Variants in CADM2 observed in about 807,000 individuals in gnomAD.
CADM2 encodes immunoglobulin superfamily member 4D.
CADM2 carries 12 observed loss-of-function variants against 49.8 expected under a neutral mutation model. The observed-to-expected ratio is 0.24, with a 90% CI of 0.15 to 0.39. The LOEUF (loss-of-function observed/expected upper bound fraction) is 0.39, where lower values mean the gene tolerates loss of function less well. CADM2 is among the 10% of genes least tolerant of loss of function. The pLI, the probability that CADM2 is intolerant of heterozygous loss-of-function variation, is 1.00. For synonymous variants in CADM2, 214 were observed against 175.4 expected (o/e 1.22, Z -1.74); for missense variants, 378 against 492.3 (o/e 0.77, Z 2.20).
chr3:85,274,609 G>T (rs191156615), intron 1 of CADM2, among the ~76,000 whole-genome samples: 25 of 151,474 alleles, frequency 1.7e-4, no homozygotes, highest in Admixed American at 1.3e-3. Context: ...GTCCATTAAA[G>T]CATCATCTAT....
chr3:85,754,932 G>T (rs947905361), intron 2 of CADM2, among the ~76,000 whole-genome samples: 4 of 152,118 alleles, frequency 2.6e-5, no homozygotes, highest in Non-Finnish European at 5.9e-5. Context: ...TCCTTAGAAG[G>T]TAAAACGTAT....
intron 1 of CADM2, among the ~76,000 whole-genome samples, chr3:85,691,725 C>G (rs1469086396): frequency 6.6e-6 from 1 of 152,098 alleles, no homozygotes; most frequent in Admixed American, 6.5e-5. Flanking sequence ...GGAACCAACC[C>G]AAATGTCCAA....
chr3:85,286,974 A>AT (rs2043648506), intron 1 of CADM2, among the ~76,000 whole-genome samples: 2 of 152,186 alleles, frequency 1.3e-5, no homozygotes, highest in Admixed American at 6.5e-5. Flanking sequence ...ACCTATCCAT[A>AT]TTATGAGAAG....
At chr3:85,253,653 G>A (rs889787378) in intron 1 of CADM2, among the ~76,000 whole-genome samples, 2 of 151,884 alleles carry the variant, frequency 1.3e-5, no homozygotes, top group African/African-American at 2.4e-5. Context: ...CAAGTTTGTC[G>A]CATCCTTCTC....
chr3:86,029,504 A>G (rs1055008509), intron 8 of CADM2, among the ~76,000 whole-genome samples: 3 of 152,048 alleles, frequency 2.0e-5, no homozygotes, highest in African/African-American at 7.2e-5. Context: ...TTAGAAAATA[A>G]CAGGATTTGG....
At chr3:85,922,110 T>C (rs909011183) in intron 6 of CADM2, among the ~76,000 whole-genome samples, 3 of 151,836 alleles carry the variant, frequency 2.0e-5, no homozygotes, top group African/African-American at 7.3e-5. Context: ...CTCTTCCTTC[T>C]CCTCCTTCTT....
chr3:85,691,713 T>G (rs2066392439), intron 1 of CADM2, among the ~76,000 whole-genome samples: 1 of 152,132 alleles, frequency 6.6e-6, no homozygotes, highest in African/African-American at 2.4e-5. Context: ...TAGCAAAGAC[T>G]TGGAACCAAC....
At chr3:86,002,035 A>G (rs565096312) in intron 8 of CADM2, among the ~76,000 whole-genome samples, 1 of 152,242 alleles carries the variant, frequency 6.6e-6, no homozygotes, top group East Asian at 1.9e-4. Flanking sequence ...TGACAGCATG[A>G]GCCACCAAGG....
In CADM2 at chr3:85,598,262, T is replaced by C. The variant is rs149838399; in HGVS notation, c.62-128260T>C. ...TCAGCATTCAGGCTGGGCTTTAATC[T>C]TGCTTAGAAACTCTCATACACCTTC... On this transcript the variant is annotated intron_variant, in intron 1 of 9. Coordinates refer to ENST00000383699, the MANE Select transcript of CADM2 (RefSeq NM_001167675.2). Among the ~76,000 whole-genome samples, 687 of 152,154 alleles carry C rather than the reference T, an allele frequency of 4.5e-3. 7 individuals carry two copies. Among genetic ancestry groups the C allele is most frequent in the African/African-American group, 0.016 (655 of 41,552 alleles).
At chr3:86,058,044 T>A (rs1738201768) in intron 8 of CADM2, among the ~76,000 whole-genome samples, 1 of 152,142 alleles carries the variant, frequency 6.6e-6, no homozygotes, top group South Asian at 2.1e-4. Context: ...TTACATACAT[T>A]GAAAAAAATT....
At chr3:85,101,547 G>A (rs1406661635) in intron 1 of CADM2, among the ~76,000 whole-genome samples, 4 of 151,930 alleles carry the variant, frequency 2.6e-5, no homozygotes, top group African/African-American at 9.7e-5. Flanking sequence ...TTTCACCTTA[G>A]GTGCATTATC....
intron 1 of CADM2, among the ~76,000 whole-genome samples, chr3:85,212,917 G>A (rs112023169): frequency 1.5e-5 from 2 of 131,964 alleles, no homozygotes; most frequent in Admixed American, 8.9e-5. Context: ...GTCTCACACT[G>A]TCACCCAGAC....
chr3:85,389,805 G>T (rs770635146), intron 1 of CADM2, among the ~76,000 whole-genome samples: 2 of 152,008 alleles, frequency 1.3e-5, no homozygotes, highest in African/African-American at 4.8e-5. Flanking sequence ...TCAAGGCCAG[G>T]TATGCAGCAC....
Position 85,162,390 on chromosome 3 carries a change from T to C in CADM2, c.61+202722T>C, listed in dbSNP as rs113646592. Among the ~76,000 whole-genome samples, 303 of 152,308 alleles carry C rather than the reference T, an allele frequency of 2.0e-3. 1 individual carries two copies. Among genetic ancestry groups the C allele is most frequent in the African/African-American group, 7.0e-3 (289 of 41,570 alleles). ...CATTATGCAATAAATAATGGCTTTT[T>C]ATATCAACAAGCATGTCAAAAAATT... On this transcript the variant is annotated intron_variant, in intron 1 of 9. Coordinates refer to ENST00000383699, the MANE Select transcript of CADM2 (RefSeq NM_001167675.2).
chr3:85,798,190 T>A (rs138320914), intron 2 of CADM2, among the ~76,000 whole-genome samples: 2 of 152,304 alleles, frequency 1.3e-5, no homozygotes, highest in Admixed American at 1.3e-4. Context: ...ATGGATAGAT[T>A]GCAAAAATTT....
chr3:86,038,847 T>C (rs1317546363), intron 8 of CADM2, among the ~76,000 whole-genome samples: 1 of 152,192 alleles, frequency 6.6e-6, no homozygotes, highest in Non-Finnish European at 1.5e-5. Flanking sequence ...AGGAATGTAC[T>C]GTAAGTAGGT....
At chr3:85,158,443 A>T (rs936612993) in intron 1 of CADM2, among the ~76,000 whole-genome samples, 1 of 152,194 alleles carries the variant, frequency 6.6e-6, no homozygotes, top group Non-Finnish European at 1.5e-5. Context: ...AACCAACCCA[A>T]ATGTCCAACA....
intron 1 of CADM2, among the ~76,000 whole-genome samples, chr3:85,198,989 T>C (rs1304862269): frequency 1.3e-5 from 2 of 151,920 alleles, no homozygotes; most frequent in African/African-American, 4.8e-5. Flanking sequence ...CTCTAATTGG[T>C]ATGTGCTTAT....
At chr3:85,878,902 C>T (rs911101133) in intron 3 of CADM2, among the ~76,000 whole-genome samples, 2 of 152,106 alleles carry the variant, frequency 1.3e-5, no homozygotes, top group Non-Finnish European at 2.9e-5. Context: ...AAATTGAGCA[C>T]AGGAGGTGGG....
Sources: allele counts gnomAD v4.1 joint callset (sites outside exome capture counted in the v4.1 genomes callset), GRCh38; gene constraint gnomAD v4.1.1; transcripts MANE v1.5; gene names NCBI Gene and HGNC (gene_info 2026-07-23, HGNC 2026-07-21).